BMX: variants seen among roughly 807,000 people sequenced by gnomAD.
BMX encodes the protein BMX non-receptor tyrosine kinase.
BMX carries 31 observed loss-of-function variants against 59.2 expected under a neutral mutation model. That is an observed-to-expected ratio of 0.52 (90% CI 0.39 to 0.71). BMX has a LOEUF of 0.71. Ranked by LOEUF, BMX falls within the 30% of genes least tolerant of loss-of-function variation. BMX has a pLI of 0.00. For missense variants in BMX, 474 were observed against 491.7 expected (o/e 0.96, Z 0.34); for synonymous variants, 185 against 181.0 (o/e 1.02, Z -0.18).
At chrX:15,534,473 G>T in intron 12 of BMX, 134 bp downstream of exon 12, 1 of 555,972 alleles carries the variant, frequency 1.8e-6, no homozygotes, top group Non-Finnish European at 2.5e-6. Context: ...CAAGTCTTTT[G>T]CCTATCATAA....
intron 1 of BMX, among the ~76,000 whole-genome samples, chrX:15,505,355 G>A (rs749906904): frequency 8.9e-6 from 1 of 112,010 alleles, no homozygotes; most frequent in South Asian, 3.7e-4. Context: ...GGAAGCCTCA[G>A]TAGCCCAGCT....
intron 9 of BMX, 48 bp from the exon 10 acceptor site, chrX:15,529,925 C>T: frequency 9.0e-7 from 1 of 1,108,564 alleles, no homozygotes; most frequent in South Asian, 1.9e-5. Context: ...TCAAGCTATA[C>T]AATCTAAAAC....
Position 15,509,349 on chromosome X carries a change from A to T in BMX, c.159A>T (p.Gly53=), listed in dbSNP as rs751862983. The T allele has an allele frequency of 1.7e-6, 2 of 1,206,770 alleles. No individual in the cohort carries two copies. The highest frequency in any genetic ancestry group is 1.8e-5 in the South Asian group (1 of 56,547). The part of the protein sequence containing the change: ...YDKMKRGSRK[G]SIEIKKIRCV... ...TTCAGAAAAGGGGCAGCAGAAAAGGATCCATTGAAATTAAGAAAATCAGAT... is the reference window on the plus strand; with the variant it reads ...TTCAGAAAAGGGGCAGCAGAAAAGGTTCCATTGAAATTAAGAAAATCAGAT... Residue 53 remains glycine (G), a synonymous_variant, in exon 3 of 19, where the codon GGA becomes GGT. Transcript: ENST00000348343.
At position 15,541,980 on chromosome X, in the gene BMX, AG is replaced by A. The variant is rs777134991; in HGVS notation, c.1395del. The stretch of plus-strand genomic sequence containing the variant: ...TGAACTTTGAAAATCTGTTATTTCC[AG>A]GAAACTCAGCCATCCCAAGCTGGTT... On this transcript the variant is annotated splice_acceptor_variant, in intron 14 of 18. Transcript: ENST00000348343. LOFTEE classifies it high-confidence loss of function. The A allele has an allele frequency of 8.3e-7, 1 of 1,206,735 alleles. No individual in the cohort carries two copies. The highest frequency in any genetic ancestry group is 1.1e-6 in the Non-Finnish European group (1 of 892,249).
Position 15,542,115 on chromosome X carries a change from C to T in BMX, c.1528C>T (p.Pro510Ser), listed in dbSNP as rs1925718844. Reference sequence around the variant, plus strand: ...GAGGAGTCACGGAAAAGGACTTGAACCTTCCCAGCTCTTAGAAATGTGCTA... The same window carrying T: ...GAGGAGTCACGGAAAAGGACTTGAATCTTCCCAGCTCTTAGAAATGTGCTA... Reference protein sequence around the residue: ...YLRSHGKGLEPSQLLEMCYDV... With the variant: ...YLRSHGKGLESSQLLEMCYDV... Residue 510 changes from proline (P) to serine (S), a missense_variant, in exon 15 of 19, where the codon CCT becomes TCT. Coordinates refer to ENST00000348343, the MANE Select transcript of BMX (RefSeq NM_203281.3). 8 of 1,211,541 alleles carry T rather than the reference C, an allele frequency of 6.6e-6. No homozygotes were observed. The highest frequency in any genetic ancestry group is 8.9e-6 in the Non-Finnish European group (8 of 895,337).
chrX:15,553,277 G>A (rs1274691544), intron 18 of BMX, among the ~76,000 whole-genome samples: 1 of 112,036 alleles, frequency 8.9e-6, no homozygotes, highest in Non-Finnish European at 1.9e-5. Context: ...ACTGGTGTAA[G>A]TTTCTTATGC....
intron 3 of BMX, among the ~76,000 whole-genome samples, chrX:15,510,459 T>C (rs767107945): frequency 1.9e-4 from 21 of 111,488 alleles, no homozygotes; most frequent in Admixed American, 5.7e-4. Flanking sequence ...GAGGATCACT[T>C]AAGGCTGGGA....
At chrX:15,555,502 C>T (rs1343256651) in intron 18 of BMX, among the ~76,000 whole-genome samples, 1 of 111,051 alleles carries the variant, frequency 9.0e-6, no homozygotes, top group Non-Finnish European at 1.9e-5. Flanking sequence ...AGCCACTGCG[C>T]CTGGCCAGGG....
intron 4 of BMX, among the ~76,000 whole-genome samples, chrX:15,511,888 T>G (rs943983788): frequency 9.8e-5 from 11 of 112,265 alleles, no homozygotes; most frequent in African/African-American, 1.3e-4. Flanking sequence ...TTTTGATGTT[T>G]ATAGAAAGTT....
chrX:15,519,324 A>G (rs763975502), intron 6 of BMX, among the ~76,000 whole-genome samples: 5 of 112,557 alleles, frequency 4.4e-5, no homozygotes, highest in African/African-American at 1.6e-4. Context: ...ATCAACATGA[A>G]AGACAAAAAT....
intron 1 of BMX, among the ~76,000 whole-genome samples, chrX:15,504,508 C>T (rs1185741184): frequency 2.7e-5 from 3 of 111,734 alleles, no homozygotes; most frequent in South Asian, 3.7e-4. Context: ...CTCAGGGCCA[C>T]GGACAGCTGA....
chrX:15,505,400 G>A (rs1923702644), intron 1 of BMX, among the ~76,000 whole-genome samples: 1 of 111,875 alleles, frequency 8.9e-6, no homozygotes, highest in South Asian at 3.7e-4. Flanking sequence ...GTTCCTCTTG[G>A]ATGGGTACCT....
chrX:15,514,093 A>G (rs1356267138), intron 4 of BMX, among the ~76,000 whole-genome samples: 1 of 111,722 alleles, frequency 9.0e-6, no homozygotes, highest in African/African-American at 3.3e-5. Flanking sequence ...TTACCCAGGA[A>G]ACCAAATCCA....
At position 15,551,750 on chromosome X, in the gene BMX, C is replaced by G. The variant is rs1226241371; in HGVS notation, c.1953+1753C>G. Among the ~76,000 whole-genome samples, 4 of 110,855 alleles carry G rather than the reference C, an allele frequency of 3.6e-5. No individual in the cohort carries two copies. In the East Asian group the frequency reaches 8.5e-4, roughly 23 times the overall value. On this transcript the variant is annotated intron_variant, in intron 18 of 18. Transcript: ENST00000348343. The stretch of plus-strand genomic sequence containing the variant: ...AATATGAGCACTCTGTAATTTCCCA[C>G]CCTATGGCATTTGGAACAGTATATA...
chrX:15,519,992 T>C (rs1038849488), intron 6 of BMX, among the ~76,000 whole-genome samples: 1 of 111,625 alleles, frequency 9.0e-6, no homozygotes, highest in East Asian at 2.8e-4. Context: ...CAACATAAAA[T>C]TTGGAGGGGT....
At chrX:15,534,163 C>G (rs368663711) in intron 11 of BMX, 49 bp from the exon 12 acceptor site, 6 of 1,048,519 alleles carry the variant, frequency 5.7e-6, no homozygotes, top group Non-Finnish European at 7.5e-6. Flanking sequence ...CTTGCTTAAT[C>G]AAGCTTTATT....
chrX:15,519,900 A>C (rs1924362131), intron 6 of BMX, among the ~76,000 whole-genome samples: 1 of 111,875 alleles, frequency 8.9e-6, no homozygotes, highest in African/African-American at 3.3e-5. Context: ...TGAGAATGGC[A>C]CTAGGCCATT....
chrX:15,517,692 C>G (rs1924226368), intron 5 of BMX, among the ~76,000 whole-genome samples: 1 of 112,344 alleles, frequency 8.9e-6, no homozygotes, highest in Non-Finnish European at 1.9e-5. Context: ...AGTTAGGTGT[C>G]TTTATTTCTT....
intron 9 of BMX, among the ~76,000 whole-genome samples, chrX:15,527,618 C>T (rs1380142092): frequency 9.0e-6 from 1 of 111,394 alleles, no homozygotes; most frequent in East Asian, 2.8e-4. Context: ...TGCATATTTC[C>T]AGTTCTGTTT....
Sources: allele counts gnomAD v4.1 joint callset (sites outside exome capture counted in the v4.1 genomes callset), GRCh38; gene constraint gnomAD v4.1.1; transcripts MANE v1.5; gene names NCBI Gene and HGNC (gene_info 2026-07-23, HGNC 2026-07-21).